The following ANXA7 variants were observed in gnomAD, a reference collection of about 807,000 sequenced individuals.
ANXA7 encodes annexin VII.
In ANXA7, 55 loss-of-function variants were observed where a neutral mutation model predicts 64.9. The observed-to-expected ratio is 0.85, with a 90% CI of 0.68 to 1.06. The LOEUF (loss-of-function observed/expected upper bound fraction) is 1.06. Ranked by LOEUF, ANXA7 falls within the 50% of genes least tolerant of loss-of-function variation. The pLI is 0.00. For missense variants in ANXA7, 548 were observed against 582.1 expected (o/e 0.94, Z 0.60); for synonymous variants, 200 against 192.4 (o/e 1.04, Z -0.33).
chr10:73,375,962 A>G lies in ANXA7; in HGVS notation c.*133T>C. ...ATAACAACATGTGCAAACCAAGCAC[A>G]TTACCCTGATACGGTCCTTGACAGA... is the stretch of plus-strand genomic sequence containing the variant. On this transcript the variant is annotated 3_prime_UTR_variant, in exon 13 of 13. Transcript: ENST00000372921. The G allele has an allele frequency of 1.5e-6, 1 of 680,232 alleles. No homozygotes were observed. Among genetic ancestry groups the G allele is most frequent in the Non-Finnish European group, 2.2e-6 (1 of 444,758 alleles). The allele number at this position is 680,232 out of a possible 1,614,324, so 42.1% of individuals were successfully genotyped here.
chr10:73,377,887 A>T (rs2055207755), intron 12 of ANXA7, among the ~76,000 whole-genome samples: 1 of 140,224 alleles, frequency 7.1e-6, no homozygotes, highest in African/African-American at 2.8e-5. Flanking sequence ...CATGTTGCCC[A>T]GGCTACCACG....
At chr10:73,401,797 C>CAAGG (rs1564532216) in intron 1 of ANXA7, among the ~76,000 whole-genome samples, 359 of 152,172 alleles carry the variant, frequency 2.4e-3, no homozygotes, top group African/African-American at 8.5e-3. Context: ...CCACCTCACC[C>CAAGG]GGCCAAGGCT....
At chr10:73,401,417 G>C (rs2055663220) in intron 1 of ANXA7, among the ~76,000 whole-genome samples, 1 of 152,114 alleles carries the variant, frequency 6.6e-6, no homozygotes, top group South Asian at 2.1e-4. Flanking sequence ...GTACAGCCTA[G>C]AAAGGTTCCA....
rs1472467369 is a variant in ANXA7 at position 73,388,318 on chromosome 10, C to G, written c.532G>C (p.Gly178Arg). ...AAAAATTTGTTTTCCTTACCAAAAC[C>G]CTTCATTGCCTTACGAAGAATTTCT... ...DAEILRKAMK[G>R]FGTDEQAIVD... is the part of the protein sequence containing the mutation. Residue 178 changes from glycine (G) to arginine (R), a missense_variant, in exon 6 of 13, where the codon GGT becomes CGT. Transcript: ENST00000372921. 6.2e-7 allele frequency: 1 copy of G among 1,612,786 alleles called. No individual in the cohort carries two copies. Among genetic ancestry groups the G allele is most frequent in the Non-Finnish European group, 8.5e-7 (1 of 1,178,944 alleles).
At chr10:73,386,122 G>A (rs866374124) in intron 7 of ANXA7, among the ~76,000 whole-genome samples, 3 of 150,262 alleles carry the variant, frequency 2.0e-5, no homozygotes, top group East Asian at 2.0e-4. Flanking sequence ...GCTGAGGCAC[G>A]AAAATCGCTC....
chr10:73,396,112 G>GA (rs766284993), intron 5 of ANXA7: 3 of 1,570,664 alleles, frequency 1.9e-6, no homozygotes, highest in African/African-American at 2.7e-5. Flanking sequence ...GTATTGATCT[G>GA]AAAAAAGAGT....
intron 2 of ANXA7, 78 bp downstream of exon 2, chr10:73,400,725 T>C: frequency 1.7e-6 from 2 of 1,178,702 alleles, no homozygotes; most frequent in Admixed American, 4.7e-5. Context: ...TGCTCAAGCA[T>C]ATCTGTAAGA....
chr10:73,381,382 T>G (rs2055272534), intron 9 of ANXA7: 1 of 152,220 alleles, frequency 6.6e-6, no homozygotes, highest in Non-Finnish European at 1.5e-5. Flanking sequence ...TTAAGCTTAA[T>G]GAGCAGTTGG....
chr10:73,377,937 G>A (rs538089324), intron 12 of ANXA7, among the ~76,000 whole-genome samples: 65 of 151,534 alleles, frequency 4.3e-4, no homozygotes, highest in African/African-American at 1.3e-3. Context: ...GTGTGCGCGC[G>A]CGTGTGTTTT....
At chr10:73,394,799 T>C (rs574936383) in intron 5 of ANXA7, among the ~76,000 whole-genome samples, 1 of 152,328 alleles carries the variant, frequency 6.6e-6, no homozygotes, top group East Asian at 1.9e-4. Context: ...ACATGGCACA[T>C]GTATACATAT....
intron 8 of ANXA7, 44 bp downstream of exon 8, chr10:73,383,533 T>A (rs757267292): frequency 2.7e-6 from 4 of 1,486,776 alleles, no homozygotes; most frequent in African/African-American, 1.4e-5. Context: ...GTTTTACATA[T>A]GAAATAGGAC....
intron 1 of ANXA7, among the ~76,000 whole-genome samples, chr10:73,403,970 G>A (rs2055713304): frequency 6.6e-6 from 1 of 152,170 alleles, no homozygotes; most frequent in South Asian, 2.1e-4. Context: ...AGCAGTGCCT[G>A]CAATAAAGTA....
At chr10:73,380,320 G>A (rs1481623789) in intron 9 of ANXA7, 119 bp from the exon 10 acceptor site, 3 of 958,378 alleles carry the variant, frequency 3.1e-6, no homozygotes, top group Non-Finnish European at 4.5e-6. Context: ...TTGAGATAGG[G>A]TCTTGCTCTG....
intron 2 of ANXA7, 65 bp from the exon 3 acceptor site, chr10:73,398,450 A>T (rs1407382726): frequency 7.2e-7 from 1 of 1,396,954 alleles, no homozygotes; most frequent in East Asian, 2.4e-5. Context: ...TCTAAAAATA[A>T]GGAACAAACA....
intron 5 of ANXA7, among the ~76,000 whole-genome samples, chr10:73,393,158 C>A (rs545072382): frequency 6.6e-6 from 1 of 152,162 alleles, no homozygotes; most frequent in South Asian, 2.1e-4. Flanking sequence ...ATGTGAAGGA[C>A]CTCTTCAAGG....
chr10:73,404,273 G>A (rs1211538521), intron 1 of ANXA7, among the ~76,000 whole-genome samples: 3 of 152,138 alleles, frequency 2.0e-5, no homozygotes, highest in Non-Finnish European at 4.4e-5. Context: ...CTTCTGATCA[G>A]CAAACATAAC....
At chr10:73,377,773 G>GGGGTGTGTATGTGTGT (rs1554815379) in intron 12 of ANXA7, among the ~76,000 whole-genome samples, 1 of 124,822 alleles carries the variant, frequency 8.0e-6, no homozygotes, top group African/African-American at 3.2e-5. Context: ...GGTGGGTGTG[G>GGGGTGTGTATGTGTGT]GTGTGTGTGT....
rs1455141002 is a variant in ANXA7 at position 73,380,042 on chromosome 10, C to A, written c.1078G>T (p.Ala360Ser). 6.2e-7 allele frequency: 1 copy of A among 1,613,722 alleles called. No homozygotes were observed. The highest frequency in any genetic ancestry group is 1.3e-5 in the African/African-American group (1 of 74,904). ...AGAAAAGCTCATACCCTAGAATAAG[C>A]CTCCATGGTAGCTCTCAGCTGAGGA... ...SFPQLRATME[A>S]YSRMANRDLL... is the part of the protein sequence containing the mutation. The change falls in exon 10 of 13, where the codon GCT becomes TCT. Residue 360 changes from alanine (A) to serine (S), a missense_variant. Ala to Ser is a moderately conservative substitution (Grantham distance 99, BLOSUM62 1). Coordinates refer to ENST00000372921, the MANE Select transcript of ANXA7 (RefSeq NM_001156.5).
intron 5 of ANXA7, among the ~76,000 whole-genome samples, chr10:73,393,970 G>A (rs1364285238): frequency 2.0e-5 from 3 of 152,034 alleles, no homozygotes; most frequent in Non-Finnish European, 2.9e-5. Context: ...TCTGACAAAC[G>A]GCTAATATCC....
Sources: gnomAD v4.1 joint callset for allele counts (sites outside exome capture counted in the v4.1 genomes callset) on GRCh38, gnomAD v4.1.1 for gene constraint, MANE v1.5 for transcripts, NCBI Gene and HGNC (gene_info 2026-07-23, HGNC 2026-07-21) for gene names.